FAT2: variants seen among roughly 807,000 people sequenced by gnomAD.
The protein encoded by FAT2 is FAT atypical cadherin 2, also known as protocadherin Fat 2.
A neutral mutation model predicts 295.3 loss-of-function variants in FAT2; 150 were observed. That is an observed-to-expected ratio of 0.51 (90% CI 0.44 to 0.58). FAT2 has a LOEUF of 0.58. Among genes scored for constraint, FAT2 ranks in the 20% least tolerant of loss-of-function variants. The pLI is 0.00. For missense variants in FAT2, 4,868 were observed against 5,442.7 expected, an observed-to-expected ratio of 0.89 and a Z score of 3.32; for synonymous variants, 2,026 against 2,150.3, an observed-to-expected ratio of 0.94 and a Z score of 1.60.
At position 151,527,282 on chromosome 5, in the gene FAT2, A is replaced by G. The variant is rs1754113194; in HGVS notation, c.10260T>C (p.Asn3420=). Residue 3420 remains asparagine, a synonymous_variant, in exon 17 of 24, where the codon AAT becomes AAC. Transcript: ENST00000261800. ...TDIAIQVADV[N]DNPPRFFQLN... ...GCTGGAAGAATCTCGGTGGGTTATC[A>G]TTGACATCAGCCACTTGGATAGCGA... The G allele has an allele frequency of 3.1e-6, 5 of 1,611,582 alleles. No individual in the cohort carries two copies. The highest frequency in any genetic ancestry group is 4.2e-6 in the Non-Finnish European group (5 of 1,178,792).
intron 13 of FAT2, among the ~76,000 whole-genome samples, chr5:151,534,085 G>A (rs974617193): frequency 1.3e-5 from 2 of 152,002 alleles, no homozygotes; most frequent in Non-Finnish European, 1.5e-5. Context: ...AAGTCTGATT[G>A]GTATATTTCT....
In FAT2 at chr5:151,531,734, C is replaced by G. The variant is rs145112890; in HGVS notation, c.9664G>C (p.Glu3222Gln). 6.2e-7 allele frequency: 1 copy of G among 1,613,724 alleles called. No homozygotes were observed. ...TCCTCGGGCACCTGCACGCTGTGCT[C>G]GGTGTTCAGGAACACGGGCAGGTAG... Reference protein sequence around the residue: ...EDYLPVFLNTEHSVQVPEDAP... With the variant: ...EDYLPVFLNTQHSVQVPEDAP... The change falls in exon 14 of 24, where the codon GAG (glutamate) becomes CAG (glutamine). Residue 3222 changes from glutamate (E) to glutamine (Q), a missense_variant. By Grantham distance (29) the Glu-to-Gln change is conservative (BLOSUM62 2). Transcript: ENST00000261800. The surrounding 1 kb of genome is among the most constrained non-coding windows in gnomAD (Gnocchi z 5.7).
At chr5:151,522,140 C>T (rs1246570407) in intron 18 of FAT2, 54 bp from the exon 19 acceptor site, 1 of 1,399,900 alleles carries the variant, frequency 7.1e-7, no homozygotes, top group East Asian at 2.5e-5. Context: ...TGCTCTTGCG[C>T]CCGACTGAGG....
rs749857465 is a variant in FAT2 at position 151,566,737 on chromosome 5, G to T, written c.2195C>A (p.Thr732Asn). The T allele has an allele frequency of 1.2e-6, 2 of 1,614,168 alleles. No individual in the cohort carries two copies. Among genetic ancestry groups the T allele is most frequent in the South Asian group, 2.2e-5 (2 of 91,084 alleles). ...IDVLESVPIN[T>N]PLARLAATDP... ...AGTGGCTGCTAGGCGGGCCAAGGGG[G>T]TGTTGATAGGGACACTCTCAAGGAC... The change falls in exon 2 of 24, where the codon ACC becomes AAC. Residue 732 changes from threonine (T) to asparagine (N), a missense_variant. Thr to Asn is a moderately conservative substitution (Grantham distance 65). Around this residue, in one of 5 missense-constraint regions of FAT2, gnomAD observed 3,297 missense variants for 3,669.4 expected, o/e 0.90. Coordinates refer to ENST00000261800, the MANE Select transcript of FAT2 (RefSeq NM_001447.3).
chr5:151,566,778 G>A lies in FAT2; in HGVS notation c.2154C>T (p.Phe718=), dbSNP rs760656942. The stretch of plus-strand genomic sequence containing the variant: ...TCTCAAGGACATCAATGGATTGGGG[G>A]AAGTGGTCCTCAAACTGTGGGGTGT... ...NHYTPQFEDH[F]PQSIDVLESV... Residue 718 remains phenylalanine (F), a synonymous_variant, in exon 2 of 24, where the codon TTC becomes TTT. Transcript: ENST00000261800. The A allele has an allele frequency of 3.1e-6, 5 of 1,614,080 alleles. No individual in the cohort carries two copies. Among genetic ancestry groups the A allele is most frequent in the Non-Finnish European group, 3.4e-6 (4 of 1,180,042 alleles).
chr5:151,530,919 A>G (rs905646336), intron 14 of FAT2, among the ~76,000 whole-genome samples: 3 of 152,118 alleles, frequency 2.0e-5, no homozygotes, highest in Non-Finnish European at 2.9e-5. Flanking sequence ...GGTAAATTTT[A>G]AAAAATATTG....
At position 151,565,952 on chromosome 5, in the gene FAT2, C is replaced by T. The variant is rs2127644904; in HGVS notation, c.2980G>A (p.Gly994Arg). 6.2e-7 allele frequency: 1 copy of T among 1,613,998 alleles called. No individual in the cohort carries two copies. The highest frequency in any genetic ancestry group is 8.5e-7 in the Non-Finnish European group (1 of 1,179,998). ...CTGGCCCACAGGCTCAGATTGTACC[C>T]AGCTCGCCTCTCAAAGTCCAGCTCT... ...ERELDFERRA[G>R]YNLSLWASDG... The change falls in exon 2 of 24, where the codon GGG becomes AGG. Residue 994 changes from glycine to arginine, a missense_variant. By Grantham distance (125) the Gly-to-Arg change is moderately radical. This residue lies in a region of FAT2 where 3,297 missense variants were observed against 3,669.4 expected (regional missense o/e 0.90). Transcript: ENST00000261800.
chr5:151,564,932 G>A lies in FAT2; in HGVS notation c.3259+741C>T, dbSNP rs2127643612. On this transcript the variant is annotated intron_variant, in intron 2 of 23. Coordinates refer to ENST00000261800, the MANE Select transcript of FAT2 (RefSeq NM_001447.3). Reference sequence around the variant, plus strand: ...TACTAAAAATACAAAAGTTAGCCGGGCATGGTGGTGGGTGCCTGTAATTCC... The same window carrying A: ...TACTAAAAATACAAAAGTTAGCCGGACATGGTGGTGGGTGCCTGTAATTCC... 1.3e-5 allele frequency among the ~76,000 whole-genome samples: 2 copies of A among 152,264 alleles called. 1 individual carries two copies. Among genetic ancestry groups the A allele is most frequent in the South Asian group, 4.1e-4 (2 of 4,820 alleles).
rs922330327 is a variant in FAT2, at chr5:151,550,599, C to G, written c.4569G>C (p.Leu1523=). Residue 1523 remains leucine (L), a synonymous_variant, in exon 8 of 24, where the codon CTG becomes CTC. Coordinates refer to ENST00000261800, the MANE Select transcript of FAT2 (RefSeq NM_001447.3). Reference sequence around the variant, plus strand: ...TTTTCCATTTACTCACCATGACTGTCAGTGTGTGCTGGGAGGGCCCCGAGC... The same window carrying G: ...TTTTCCATTTACTCACCATGACTGTGAGTGTGTGCTGGGAGGGCCCCGAGC... ...DLGSGPSQHT[L]TVMVRDQEIP... 2 of 1,614,124 alleles carry G rather than the reference C, an allele frequency of 1.2e-6. No homozygotes were observed. The highest frequency in any genetic ancestry group is 1.7e-6 in the Non-Finnish European group (2 of 1,179,986).
intron 3 of FAT2, among the ~76,000 whole-genome samples, chr5:151,562,948 GGA>G (rs1758082471): frequency 6.6e-6 from 1 of 152,160 alleles, no homozygotes; most frequent in South Asian, 2.1e-4. Flanking sequence ...TCATGACTCA[GGA>G]GAGAGTCAGG....
intron 2 of FAT2, among the ~76,000 whole-genome samples, chr5:151,565,107 C>T (rs1758188073): frequency 6.6e-6 from 1 of 151,888 alleles, no homozygotes; most frequent in Non-Finnish European, 1.5e-5. Flanking sequence ...CTGTAGAGAC[C>T]CAGGCATATA....
intron 12 of FAT2, among the ~76,000 whole-genome samples, chr5:151,537,200 AAAGAAGAAGAGG>A (rs1057221028): frequency 2.0e-5 from 3 of 147,606 alleles, no homozygotes; most frequent in African/African-American, 7.3e-5. Flanking sequence ...AGAGAGAGAG[AAAGAAGAAGAGG>A]AAGAAGAAGA....
intron 13 of FAT2, among the ~76,000 whole-genome samples, chr5:151,534,085 G>C (rs974617193): frequency 2.0e-5 from 3 of 152,002 alleles, no homozygotes; most frequent in Non-Finnish European, 2.9e-5. Flanking sequence ...AAGTCTGATT[G>C]GTATATTTCT....
chr5:151,507,103 A>G (rs746293951), intron 23 of FAT2, 51 bp downstream of exon 23: 2 of 1,481,296 alleles, frequency 1.4e-6, no homozygotes, highest in Non-Finnish European at 1.8e-6. Flanking sequence ...GTTTAGAACC[A>G]CCACCCACTT....
At chr5:151,514,496 C>A (rs1349276035) in intron 20 of FAT2, among the ~76,000 whole-genome samples, 1 of 152,242 alleles carries the variant, frequency 6.6e-6, no homozygotes, top group Non-Finnish European at 1.5e-5. Flanking sequence ...TCTCCACCTG[C>A]TCTATACAGA....
intron 18 of FAT2, among the ~76,000 whole-genome samples, chr5:151,522,870 C>A (rs180881566): frequency 6.6e-6 from 1 of 152,120 alleles, no homozygotes; most frequent in Non-Finnish European, 1.5e-5. Flanking sequence ...TGGGCTGGCA[C>A]GCGCAGGGTT....
In FAT2 at chr5:151,504,978, CCTGA is replaced by C. The variant is rs1320656377; in HGVS notation, c.*583_*586del. 6.5e-6 allele frequency: 1 copy of C among 154,134 alleles called. No individual in the cohort carries two copies. The highest frequency in any genetic ancestry group is 1.4e-5 in the Non-Finnish European group (1 of 69,652). 9.5% of individuals were successfully genotyped at this position (154,134 alleles called of 1,614,324 possible). A position where few individuals can be genotyped will look rare whatever the true frequency, so the allele number is the denominator to read the frequency against. ...TTTCTCCCCGGTGCAAAGCACAGTG[CCTGA>C]CGTGGAGCAGACACTTGACAAAGAC... On this transcript the variant is annotated 3_prime_UTR_variant, in exon 24 of 24. Coordinates refer to ENST00000261800, the MANE Select transcript of FAT2 (RefSeq NM_001447.3).
At chr5:151,507,699 TC>T in intron 22 of FAT2, 88 bp from the exon 23 acceptor site, 2 of 1,248,034 alleles carry the variant, frequency 1.6e-6, no homozygotes, top group Non-Finnish European at 2.2e-6. Flanking sequence ...TAGAGACTGC[TC>T]CCCCCAAAAC....
chr5:151,538,007 A>G, intron 11 of FAT2, 61 bp from the exon 12 acceptor site: 1 of 1,510,950 alleles, frequency 6.6e-7, no homozygotes, highest in South Asian at 1.2e-5. Context: ...TCCAGAGAGA[A>G]GCAGAGTGAC....
Sources: allele counts gnomAD v4.1 joint callset (sites outside exome capture counted in the v4.1 genomes callset), GRCh38; gene constraint gnomAD v4.1.1; regional missense constraint gnomAD v4.1.1; non-coding constraint Gnocchi (gnomAD v3.1); transcripts MANE v1.5; gene names NCBI Gene and HGNC (gene_info 2026-07-23, HGNC 2026-07-21).